CTNNA2: variants seen among roughly 807,000 people sequenced by gnomAD.
CTNNA2 encodes the protein catenin alpha-2.
CTNNA2 carries 42 observed loss-of-function variants against 101.0 expected under a neutral mutation model. The observed-to-expected ratio is 0.42, with a 90% CI of 0.32 to 0.54. The LOEUF (loss-of-function observed/expected upper bound fraction) is 0.54. CTNNA2 is among the 20% of genes least tolerant of loss of function. The pLI is 0.14. For synonymous variants in CTNNA2, 450 were observed against 456.4 expected (o/e 0.99, Z 0.18); for missense variants, 871 against 1,223.1 (o/e 0.71, Z 4.29).
intron 7 of CTNNA2, among the ~76,000 whole-genome samples, chr2:80,043,898 G>A (rs1249504277): frequency 3.3e-5 from 5 of 152,168 alleles, no homozygotes; most frequent in African/African-American, 1.2e-4. Flanking sequence ...TAATTAGAAT[G>A]GTGTATGTGA....
intron 4 of CTNNA2, among the ~76,000 whole-genome samples, chr2:79,502,223 T>C (rs970754217): frequency 1.3e-5 from 2 of 152,106 alleles, no homozygotes; most frequent in Non-Finnish European, 2.9e-5. Context: ...AGAATATGTG[T>C]GGGAAAGATT....
At chr2:79,942,524 C>A (rs970217759) in intron 7 of CTNNA2, among the ~76,000 whole-genome samples, 1 of 152,146 alleles carries the variant, frequency 6.6e-6, no homozygotes, top group Non-Finnish European at 1.5e-5. Context: ...ATAGCGAGCC[C>A]TGAATCCTAA....
intron 3 of CTNNA2, among the ~76,000 whole-genome samples, chr2:79,364,242 T>A (rs2104449485): frequency 6.6e-6 from 1 of 152,310 alleles, no homozygotes; most frequent in South Asian, 2.1e-4. Flanking sequence ...CCAAGACAAG[T>A]ATTTGTGAAG....
chr2:80,234,040 A>C (rs1174261750), intron 7 of CTNNA2, among the ~76,000 whole-genome samples: 1 of 103,280 alleles, frequency 9.7e-6, no homozygotes, highest in Non-Finnish European at 1.9e-5. Flanking sequence ...GGATACTAAT[A>C]GACTCACTAT....
chr2:80,156,069 C>A (rs1703982597), intron 7 of CTNNA2, among the ~76,000 whole-genome samples: 1 of 152,134 alleles, frequency 6.6e-6, no homozygotes, highest in Non-Finnish European at 1.5e-5. Flanking sequence ...CTAACAAGCT[C>A]CAAGGTGATG....
At chr2:80,073,730 TCACACACA>T (rs3067109) in intron 7 of CTNNA2, among the ~76,000 whole-genome samples, 3,238 of 130,480 alleles carry the variant, frequency 0.025, 107 homozygotes, top group African/African-American at 0.08. Flanking sequence ...TCTCTCTCTG[TCACACACA>T]CACACACACA....
intron 3 of CTNNA2, among the ~76,000 whole-genome samples, chr2:79,313,187 G>T (rs1422315898): frequency 6.6e-6 from 1 of 152,246 alleles, no homozygotes; most frequent in Non-Finnish European, 1.5e-5. Context: ...GAACAGACAG[G>T]CTTCATATGT....
intron 8 of CTNNA2, among the ~76,000 whole-genome samples, chr2:80,414,995 G>A (rs922560369): frequency 6.6e-6 from 1 of 152,172 alleles, no homozygotes; most frequent in Non-Finnish European, 1.5e-5. Context: ...CACACTTCTA[G>A]TAGAAAGGAT....
chr2:80,148,639 A>G (rs1703500724), intron 7 of CTNNA2, among the ~76,000 whole-genome samples: 1 of 152,216 alleles, frequency 6.6e-6, no homozygotes, highest in Admixed American at 6.5e-5. Context: ...TAGTTTTCCC[A>G]AGCTCTTTGC....
intron 7 of CTNNA2, among the ~76,000 whole-genome samples, chr2:80,232,343 T>C (rs1709284573): frequency 4.5e-5 from 2 of 44,034 alleles, no homozygotes; most frequent in African/African-American, 2.6e-4. Context: ...GTTTGTTTGT[T>C]TGTTTTTTTT....
intron 7 of CTNNA2, among the ~76,000 whole-genome samples, chr2:80,248,812 T>C (rs1056219034): frequency 2.6e-5 from 4 of 152,242 alleles, no homozygotes; most frequent in African/African-American, 9.6e-5. Flanking sequence ...AGGCCCAGTT[T>C]AGTAGTGAAG....
chr2:80,202,391 A>G (rs1231934730), intron 7 of CTNNA2, among the ~76,000 whole-genome samples: 2 of 152,214 alleles, frequency 1.3e-5, no homozygotes, highest in Non-Finnish European at 2.9e-5. Flanking sequence ...GATTAGAAGA[A>G]GATTCAGGAA....
At chr2:79,269,927 A>G (rs1157644304) in intron 2 of CTNNA2, among the ~76,000 whole-genome samples, 1 of 152,116 alleles carries the variant, frequency 6.6e-6, no homozygotes, top group Non-Finnish European at 1.5e-5. Context: ...AACTTTATTT[A>G]GGGCCCTGGG....
rs150926368 is a variant in CTNNA2 at position 80,011,996 on chromosome 2, T to C, written c.1056+102199T>C. The stretch of plus-strand genomic sequence containing the variant: ...GCAGTCATACACCACTTCTGATTAC[T>C]GGGGCGATAACTTGAACACTTAAGC... On this transcript the variant is annotated intron_variant, in intron 7 of 18. Coordinates refer to ENST00000402739, the MANE Select transcript of CTNNA2 (RefSeq NM_001282597.3). Among the ~76,000 whole-genome samples, 945 of 152,278 alleles carry C rather than the reference T, an allele frequency of 6.2e-3. 12 individuals are homozygous for C. Among genetic ancestry groups the C allele is most frequent in the African/African-American group, 0.021 (891 of 41,562 alleles).
intron 2 of CTNNA2, among the ~76,000 whole-genome samples, chr2:79,700,343 C>T (rs1341796431): frequency 1.3e-5 from 2 of 152,098 alleles, no homozygotes; most frequent in Non-Finnish European, 2.9e-5. Flanking sequence ...ATTTCTGATG[C>T]TGATGCTCTT....
chr2:79,198,332 A>G (rs17016534), intron 2 of CTNNA2, among the ~76,000 whole-genome samples: 9,317 of 152,296 alleles, frequency 0.061, 375 homozygotes, highest in East Asian at 0.16. Flanking sequence ...ATAAGCATGG[A>G]TTGGTTTTAT....
intron 4 of CTNNA2, among the ~76,000 whole-genome samples, chr2:79,867,568 A>G (rs1212871601): frequency 2.0e-5 from 3 of 152,184 alleles, no homozygotes; most frequent in African/African-American, 2.4e-5. Flanking sequence ...CAAACTCTGC[A>G]TGTAACTTAA....
intron 2 of CTNNA2, among the ~76,000 whole-genome samples, chr2:79,287,481 C>G (rs1675637895): frequency 6.6e-6 from 1 of 151,756 alleles, no homozygotes; most frequent in Non-Finnish European, 1.5e-5. Context: ...ACAGACAGGA[C>G]CCTCAGCTGC....
At chr2:80,580,757 G>C (rs1695461206) in intron 13 of CTNNA2, among the ~76,000 whole-genome samples, 1 of 152,166 alleles carries the variant, frequency 6.6e-6, no homozygotes, top group Admixed American at 6.5e-5. Context: ...ACTCATGCTT[G>C]TAATCCTAGC....
Sources: allele counts gnomAD v4.1 joint callset (sites outside exome capture counted in the v4.1 genomes callset), GRCh38; gene constraint gnomAD v4.1.1; transcripts MANE v1.5; gene names NCBI Gene and HGNC (gene_info 2026-07-23, HGNC 2026-07-21).